Variants in LHX4 observed in about 807,000 individuals in gnomAD.
LHX4 encodes the protein LIM homeobox 4.
A neutral mutation model predicts 39.2 loss-of-function variants in LHX4; 16 were observed. The ratio of observed to expected loss-of-function variants is 0.41; its 90% CI spans 0.28 to 0.62. The LOEUF is 0.62. Ranked by LOEUF, LHX4 falls within the 20% of genes least tolerant of loss-of-function variation. The pLI is 0.33. For synonymous variants in LHX4, 206 were observed against 198.1 expected (o/e 1.04, Z -0.33); for missense variants, 439 against 511.9 (o/e 0.86, Z 1.37).
At chr1:180,254,442 G>A (rs1457242900) in intron 2 of LHX4, among the ~76,000 whole-genome samples, 1 of 152,254 alleles carries the variant, frequency 6.6e-6, no homozygotes, top group African/African-American at 2.4e-5. Flanking sequence ...GCCAAGGGCA[G>A]GTAGGCAGCG....
intron 1 of LHX4, among the ~76,000 whole-genome samples, chr1:180,240,748 T>A (rs1461707186): frequency 6.6e-6 from 1 of 152,228 alleles, no homozygotes; most frequent in African/African-American, 2.4e-5. Context: ...ATGGATCACA[T>A]CAGACCTTTT....
At chr1:180,254,152 AG>A (rs1268092065) in intron 2 of LHX4, among the ~76,000 whole-genome samples, 1 of 152,136 alleles carries the variant, frequency 6.6e-6, no homozygotes. Flanking sequence ...TCTGCCCGTC[AG>A]GGGGCGTGGA....
intron 2 of LHX4, among the ~76,000 whole-genome samples, chr1:180,255,151 C>G (rs1269095752): frequency 1.3e-5 from 2 of 152,262 alleles, no homozygotes; most frequent in Admixed American, 6.5e-5. Flanking sequence ...GGCGGCAGCC[C>G]GCGCCTGGGT....
chr1:180,231,408 G>T (rs920340739), intron 1 of LHX4, among the ~76,000 whole-genome samples: 2 of 151,916 alleles, frequency 1.3e-5, no homozygotes, highest in African/African-American at 4.8e-5. Context: ...CGGAGCTCGC[G>T]GCGTGTTTAT....
chr1:180,229,971 G>GGC (rs1553278107), upstream of LHX4, among the ~76,000 whole-genome samples: 1 of 141,660 alleles, frequency 7.1e-6, no homozygotes, highest in Non-Finnish European at 1.6e-5. Context: ...GGGAGGGGGG[G>GGC]GGGGTGCCGG....
chr1:180,259,622 C>T (rs1232985763), intron 2 of LHX4, among the ~76,000 whole-genome samples: 4 of 151,542 alleles, frequency 2.6e-5, no homozygotes, highest in Non-Finnish European at 5.9e-5. Context: ...TGACCCCCGG[C>T]CCCCGAGGCA....
chr1:180,243,316 C>T (rs2149254884), intron 1 of LHX4, among the ~76,000 whole-genome samples: 1 of 152,030 alleles, frequency 6.6e-6, no homozygotes, highest in East Asian at 1.9e-4. Context: ...GGAGTTCTCC[C>T]CTCCTCTGCC....
chr1:180,274,435 T>G lies in LHX4; in HGVS notation c.1029T>G (p.His343Gln), dbSNP rs1485492495. Reference sequence around the variant, plus strand: ...ACAGTAATTTGGGCATCATTGCGCATGCAGGGCAGGGAGTAAGCCAGACGC... The same window carrying G: ...ACAGTAATTTGGGCATCATTGCGCAGGCAGGGCAGGGAGTAAGCCAGACGC... ...TVDSNLGIIA[H>Q]AGQGVSQTLR... Residue 343 changes from histidine to glutamine, a missense_variant, in exon 6 of 6, where the codon CAT becomes CAG. By Grantham distance (24) the His-to-Gln change is conservative. Transcript: ENST00000263726. 1 of 1,614,196 alleles carries G rather than the reference T, an allele frequency of 6.2e-7. No homozygotes were observed. Among genetic ancestry groups the G allele is most frequent in the Non-Finnish European group, 8.5e-7 (1 of 1,180,034 alleles).
chr1:180,255,152 G>A lies in LHX4; in HGVS notation c.248+6696G>A, dbSNP rs544876195. 1.5e-3 allele frequency among the ~76,000 whole-genome samples: 227 copies of A among 152,362 alleles called. 2 individuals carry two copies. Among genetic ancestry groups the A allele is most frequent in the African/African-American group, 5.3e-3 (219 of 41,594 alleles). ...CCAGCCTGGTGGGAGGCGGCAGCCC[G>A]CGCCTGGGTGGCTTTCCACTGTCTC... On this transcript the variant is annotated intron_variant, in intron 2 of 5. Coordinates refer to ENST00000263726, the MANE Select transcript of LHX4 (RefSeq NM_033343.4).
rs75903452 is a variant in LHX4 at position 180,237,115 on chromosome 1, C to G, written c.76+6510C>G. Among the ~76,000 whole-genome samples, 43 of 152,230 alleles carry G rather than the reference C, an allele frequency of 2.8e-4. 1 individual carries two copies. The East Asian group carries it at 3.1e-3, about 11-fold the overall frequency. On this transcript the variant is annotated intron_variant, in intron 1 of 5. Coordinates refer to ENST00000263726, the MANE Select transcript of LHX4 (RefSeq NM_033343.4). ...CTCCCTCCTTCTCCTTCCCCTGTTCCCCCAATTTCTTCTGTCTATCCCTTC... is the reference window on the plus strand; with the variant it reads ...CTCCCTCCTTCTCCTTCCCCTGTTCGCCCAATTTCTTCTGTCTATCCCTTC...
chr1:180,258,842 T>A (rs868089902), intron 2 of LHX4, among the ~76,000 whole-genome samples: 10 of 151,130 alleles, frequency 6.6e-5, no homozygotes, highest in South Asian at 2.1e-4. Flanking sequence ...TAATAATAAT[T>A]ATTATTATTC....
rs750012357 is a variant in LHX4, at chr1:180,274,477, G to A, written c.1071G>A (p.Gly357=). ...GVSQTLRAMA[G]GPTSDISTGS... ...GCCAGACGCTGAGAGCCATGGCTGGGGGACCCACCTCTGACATCTCCACAG... is the reference window on the plus strand; with the variant it reads ...GCCAGACGCTGAGAGCCATGGCTGGAGGACCCACCTCTGACATCTCCACAG... The change falls in exon 6 of 6, where the codon GGG becomes GGA. Residue 357 remains glycine (G), a synonymous_variant. Coordinates refer to ENST00000263726, the MANE Select transcript of LHX4 (RefSeq NM_033343.4). 9 of 1,613,976 alleles carry A rather than the reference G, an allele frequency of 5.6e-6. No homozygotes were observed. The highest frequency in any genetic ancestry group is 6.8e-6 in the Non-Finnish European group (8 of 1,180,016).
At chr1:180,268,292 G>C (rs544095342) in intron 3 of LHX4, among the ~76,000 whole-genome samples, 1 of 152,300 alleles carries the variant, frequency 6.6e-6, no homozygotes, top group South Asian at 2.1e-4. Context: ...CTCATCAGAG[G>C]CCTCATTTGG....
At position 180,275,199 on chromosome 1, in the gene LHX4, T is replaced by C. The variant is rs1648955229; in HGVS notation, c.*620T>C. On this transcript the variant is annotated 3_prime_UTR_variant, in exon 6 of 6. Transcript: ENST00000263726. Reference sequence around the variant, plus strand: ...GAATTCTTTCCTACAAACCAGAGAATATGAACCTGTTTTGGTTTTTAAGTG... The same window carrying C: ...GAATTCTTTCCTACAAACCAGAGAACATGAACCTGTTTTGGTTTTTAAGTG... 1.3e-5 allele frequency: 2 copies of C among 152,228 alleles called. No homozygotes were observed. The highest frequency in any genetic ancestry group is 4.8e-5 in the African/African-American group (2 of 41,458). The allele number at this position is 152,228 out of a possible 1,614,324, so 9.4% of individuals were successfully genotyped here.
In LHX4 at chr1:180,271,480, G is replaced by A; in HGVS notation, c.552G>A (p.Arg184=). 1.2e-6 allele frequency: 2 copies of A among 1,614,194 alleles called. No homozygotes were observed. Among genetic ancestry groups the A allele is most frequent in the South Asian group, 1.1e-5 (1 of 91,086 alleles). ...NAYKNSPKPA[R]HVREQLSSET... ...ACAAGAACTCCCCCAAGCCTGCCCG[G>A]CACGTGAGGGAGCAGCTGTCCTCAG... Residue 184 remains arginine (R), a synonymous_variant, in exon 4 of 6, where the codon CGG becomes CGA. Coordinates refer to ENST00000263726, the MANE Select transcript of LHX4 (RefSeq NM_033343.4).
At chr1:180,230,093 TG>T (rs2149250184), upstream of LHX4, among the ~76,000 whole-genome samples, 1 of 148,606 alleles carries the variant, frequency 6.7e-6, no homozygotes, top group African/African-American at 2.5e-5. The surrounding 1 kb of genome is among the most constrained non-coding windows in gnomAD (Gnocchi z 5.8). Flanking sequence ...GCCGCCGGGT[TG>T]GGGGATGTGC....
chr1:180,251,595 T>A (rs534780834), intron 2 of LHX4, among the ~76,000 whole-genome samples: 2 of 152,246 alleles, frequency 1.3e-5, no homozygotes, highest in African/African-American at 4.8e-5. Context: ...CATAGGCCAC[T>A]GCTGGGTTTG....
intron 3 of LHX4, among the ~76,000 whole-genome samples, chr1:180,267,592 T>C (rs112761454): frequency 0.1 from 15,604 of 152,238 alleles, 1,032 homozygotes; most frequent in Admixed American, 0.2. Flanking sequence ...AAACCCAACA[T>C]GATAACCTCA....
intron 2 of LHX4, among the ~76,000 whole-genome samples, chr1:180,250,191 T>G (rs1394881061): frequency 6.6e-6 from 1 of 152,126 alleles, no homozygotes; most frequent in Non-Finnish European, 1.5e-5. Flanking sequence ...TTCATGCAAT[T>G]CCATTCCCTC....
Sources: allele counts gnomAD v4.1 joint callset (sites outside exome capture counted in the v4.1 genomes callset), GRCh38; gene constraint gnomAD v4.1.1; non-coding constraint Gnocchi (gnomAD v3.1); transcripts MANE v1.5; gene names NCBI Gene and HGNC (gene_info 2026-07-23, HGNC 2026-07-21).